FXYD3: variants seen among roughly 807,000 people sequenced by gnomAD.
FXYD3 encodes the protein FXYD domain-containing ion transport regulator 3.
FXYD3 carries 13 observed loss-of-function variants against 19.2 expected under a neutral mutation model. That is an observed-to-expected ratio of 0.68 (90% CI 0.44 to 1.08). The LOEUF (loss-of-function observed/expected upper bound fraction) is 1.08. Among genes scored for constraint, FXYD3 ranks in the 50% least tolerant of loss-of-function variants. The pLI, the probability that FXYD3 is intolerant of heterozygous loss-of-function variation, is 0.00. For synonymous variants in FXYD3, 48 were observed against 38.9 expected (o/e 1.23, Z -0.87); for missense variants, 101 against 109.4 (o/e 0.92, Z 0.34).
intron 8 of FXYD3, 56 bp from the exon 9 acceptor site, chr19:35,123,385 C>T: frequency 6.2e-7 from 1 of 1,613,442 alleles, no homozygotes; most frequent in Non-Finnish European, 8.5e-7. Flanking sequence ...TGTTTGCACA[C>T]TGGAAAGAAA....
At chr19:35,117,431 A>AC (rs2064917460) in intron 2 of FXYD3, 1 of 1,370,562 alleles carries the variant, frequency 7.3e-7, no homozygotes, top group African/African-American at 1.5e-5. Flanking sequence ...ATGAATTTGC[A>AC]GGGGTTACAG....
intron 7 of FXYD3, 61 bp from the exon 8 acceptor site, chr19:35,123,210 C>G: frequency 6.5e-7 from 1 of 1,535,070 alleles, no homozygotes; most frequent in African/African-American, 1.4e-5. Context: ...TAAGAACCCT[C>G]TATCCGGAGG....
At chr19:35,120,260 C>T (rs2065011619) in intron 3 of FXYD3, among the ~76,000 whole-genome samples, 1 of 152,126 alleles carries the variant, frequency 6.6e-6, no homozygotes, top group South Asian at 2.1e-4. Context: ...CTGCCTCAGC[C>T]TCCCAAGTAG....
intron 2 of FXYD3, chr19:35,119,116 A>G: frequency 7.4e-7 from 1 of 1,349,810 alleles, no homozygotes. Flanking sequence ...GGCGATTCCC[A>G]GAAAGCCTGA....
At chr19:35,123,364 GTGTA>G (rs1392858846) in intron 8 of FXYD3, 56 bp downstream of exon 8, 63 of 1,608,336 alleles carry the variant, frequency 3.9e-5, no homozygotes, top group Admixed American at 3.2e-4. Context: ...GTGTGTGTGT[GTGTA>G]TGTGTGTGTT....
chr19:35,117,757 C>CAAAAAAAGAAAAAAA (rs2064930387), intron 2 of FXYD3, among the ~76,000 whole-genome samples: 1 of 65,716 alleles, frequency 1.5e-5, no homozygotes, highest in Non-Finnish European at 2.6e-5. Context: ...TTTCTTCCCG[C>CAAAAAAAGAAAAAAA]AAAAAAAGGA....
intron 3 of FXYD3, among the ~76,000 whole-genome samples, chr19:35,120,546 T>C (rs2065018757): frequency 2.0e-5 from 3 of 152,226 alleles, no homozygotes; most frequent in South Asian, 4.1e-4. Context: ...GTCCATTACA[T>C]AGGGCAAGAC....
chr19:35,119,459 G>A, intron 3 of FXYD3, 43 bp downstream of exon 3: 1 of 1,541,918 alleles, frequency 6.5e-7, no homozygotes, highest in Non-Finnish European at 9.0e-7. Flanking sequence ...TGGATCCCCT[G>A]GATGCGGGGA....
At chr19:35,118,322 C>T (rs2064947807) in intron 2 of FXYD3, 1 of 295,050 alleles carries the variant, frequency 3.4e-6, no homozygotes, top group African/African-American at 2.3e-5. Flanking sequence ...TGCCATTGCA[C>T]TCCAGCCTGG....
chr19:35,122,872 CG>C, intron 6 of FXYD3, 33 bp downstream of exon 6: 1 of 1,613,798 alleles, frequency 6.2e-7, no homozygotes, highest in Non-Finnish European at 8.5e-7. Context: ...GCAGGCGGGC[CG>C]GGGCTGGGGC....
Position 35,117,317 on chromosome 19 carries a change from G to A in FXYD3, c.-15+958G>A, listed in dbSNP as rs1286595799. On this transcript the variant is annotated intron_variant, in intron 2 of 8. Coordinates refer to ENST00000604404, the MANE Select transcript of FXYD3 (RefSeq NM_005971.4). ...GGCTGGATGACATCATGGGAAGGGG[G>A]TATAGTGGGGCCTTGCAGGCCAGAG... The A allele has an allele frequency of 4.6e-6, 7 of 1,510,660 alleles. No individual in the cohort carries two copies. The Admixed American group carries it at 7.2e-5, about 16-fold the overall frequency. 93.6% of individuals were successfully genotyped at this position (1,510,660 alleles called of 1,614,324 possible).
intron 2 of FXYD3, chr19:35,116,575 C>G (rs1309997915): frequency 1.0e-6 from 1 of 985,212 alleles, no homozygotes; most frequent in African/African-American, 1.7e-5. Context: ...GTTGAACCAG[C>G]TGAGGTGAGG....
At chr19:35,117,289 C>T in intron 2 of FXYD3, 3 of 1,506,914 alleles carry the variant, frequency 2.0e-6, no homozygotes, top group Non-Finnish European at 2.7e-6. Flanking sequence ...ATCTGTCAGT[C>T]TTGGCTGGAT....
chr19:35,116,545 C>T (rs1024722077), intron 2 of FXYD3, 186 bp downstream of exon 2: 3 of 985,316 alleles, frequency 3.0e-6, no homozygotes, highest in South Asian at 4.7e-5. Context: ...CTTTCCCCAC[C>T]ATTCTCCTCT....
In FXYD3 at chr19:35,119,359, C is replaced by T. The variant is rs769131598; in HGVS notation, c.-14-4C>T. The T allele has an allele frequency of 6.2e-7, 1 of 1,614,118 alleles. No homozygotes were observed. Among genetic ancestry groups the T allele is most frequent in the Non-Finnish European group, 8.5e-7 (1 of 1,179,950 alleles). On this transcript the variant is annotated splice_region_variant and splice_polypyrimidine_tract_variant and intron_variant, in intron 2 of 8. Coordinates refer to ENST00000604404, the MANE Select transcript of FXYD3 (RefSeq NM_005971.4). ...TAAGGCCAGACCTCCCGCCACCCCT[C>T]TAGGCCAGCGCTCTGACATGCAGAA...
chr19:35,116,809 G>A, intron 2 of FXYD3: 1 of 985,216 alleles, frequency 1.0e-6, no homozygotes, highest in Non-Finnish European at 1.2e-6. Context: ...TGGATAAGGA[G>A]TGCTGGGTGG....
At chr19:35,117,190 T>G in intron 2 of FXYD3, 2 of 1,402,818 alleles carry the variant, frequency 1.4e-6, no homozygotes, top group Non-Finnish European at 1.9e-6. Context: ...ATGGGGAACG[T>G]GAGGGCAGAC....
chr19:35,119,643 CT>C lies in FXYD3; in HGVS notation c.40+236del, dbSNP rs376165806. Reference sequence around the variant, plus strand: ...GTCTTCCCCATTCTCTCGATCTCTTCTTTTTTTTTGGCTTTTTTTGTTTTTG... The same window carrying C: ...GTCTTCCCCATTCTCTCGATCTCTTCTTTTTTTTGGCTTTTTTTGTTTTTG... On this transcript the variant is annotated intron_variant, in intron 3 of 8. Transcript: ENST00000604404. 214 of 457,928 alleles carry C rather than the reference CT, an allele frequency of 4.7e-4. 2 individuals are homozygous for C. Among genetic ancestry groups the C allele is most frequent in the Middle Eastern group, 2.6e-3 (5 of 1,920 alleles). 28.4% of individuals were successfully genotyped at this position (457,928 alleles called of 1,614,324 possible). A position where few individuals can be genotyped will look rare whatever the true frequency, so the allele number is the denominator to read the frequency against.
rs1453361771 is a variant in FXYD3, at chr19:35,123,999, T to C, written c.*542T>C. 1.2e-5 allele frequency: 2 copies of C among 161,994 alleles called. No individual in the cohort carries two copies. The highest frequency in any genetic ancestry group is 4.8e-5 in the African/African-American group (2 of 41,622). The allele number at this position is 161,994 out of a possible 1,614,324, so 10.0% of individuals were successfully genotyped here. ...ATGATGGAAGTGTTCAGACAGTTTATAATAGTAAGCCCCTGTGACCCTCTC... is the reference window on the plus strand; with the variant it reads ...ATGATGGAAGTGTTCAGACAGTTTACAATAGTAAGCCCCTGTGACCCTCTC... On this transcript the variant is annotated 3_prime_UTR_variant, in exon 9 of 9. Coordinates refer to ENST00000604404, the MANE Select transcript of FXYD3 (RefSeq NM_005971.4).
Sources: allele counts gnomAD v4.1 joint callset (sites outside exome capture counted in the v4.1 genomes callset), GRCh38; gene constraint gnomAD v4.1.1; transcripts MANE v1.5; gene names NCBI Gene and HGNC (gene_info 2026-07-23, HGNC 2026-07-21).